GNB1L: variants seen among roughly 807,000 people sequenced by gnomAD.
GNB1L encodes guanine nucleotide-binding protein subunit beta-like protein 1.
Under a neutral mutation model 29.1 loss-of-function variants are expected in GNB1L, and 20 were observed. The ratio of observed to expected loss-of-function variants is 0.69; its 90% CI spans 0.48 to 1.00. The LOEUF (loss-of-function observed/expected upper bound fraction) is 1.00. Ranked by LOEUF, GNB1L falls within the 50% of genes least tolerant of loss-of-function variation. The probability of loss-of-function intolerance (pLI) is 0.00; values close to 1 mark genes in which losing one functional copy is unlikely to be tolerated. For missense variants in GNB1L, 421 were observed against 464.9 expected (o/e 0.91, Z 0.87); for synonymous variants, 193 against 206.5 (o/e 0.93, Z 0.56).
At chr22:19,833,827 C>T (rs368880068) in intron 2 of GNB1L, among the ~76,000 whole-genome samples, 2 of 151,686 alleles carry the variant, frequency 1.3e-5, no homozygotes, top group Admixed American at 6.6e-5. Context: ...TATCATACCA[C>T]GGCACTCCAG....
intron 7 of GNB1L, among the ~76,000 whole-genome samples, chr22:19,797,557 G>T (rs910793246): frequency 3.9e-5 from 6 of 152,312 alleles, no homozygotes; most frequent in Admixed American, 3.3e-4. Flanking sequence ...CAGGAGGGGT[G>T]GGAGGAGCCT....
rs781497461 is a variant in GNB1L, at chr22:19,820,649, C to T, written c.203G>A (p.Gly68Asp). 8 of 1,613,424 alleles carry T rather than the reference C, an allele frequency of 5.0e-6. No homozygotes were observed. The highest frequency in any genetic ancestry group is 1.1e-5 in the South Asian group (1 of 91,062). ...RAVTTLDGHGGQCVTWLQTLP... is the reference protein window; with the variant it reads ...RAVTTLDGHGDQCVTWLQTLP... ...CGTCTGCAGCCAGGTCACACACTGG[C>T]CGCCGTGGCCATCCAGGGTGGTAAC... Residue 68 changes from glycine to aspartate, a missense_variant, in exon 4 of 8, where the codon GGC becomes GAC. Coordinates refer to ENST00000329517, the MANE Select transcript of GNB1L (RefSeq NM_053004.3).
At position 19,815,547 on chromosome 22, in the gene GNB1L, C is replaced by A. The variant is rs902228228; in HGVS notation, c.255-3100G>T. Among the ~76,000 whole-genome samples, 6 of 152,246 alleles carry A rather than the reference C, an allele frequency of 3.9e-5. No individual in the cohort carries two copies. The East Asian group carries it at 5.8e-4, about 15-fold the overall frequency. On this transcript the variant is annotated intron_variant, in intron 4 of 7. Coordinates refer to ENST00000329517, the MANE Select transcript of GNB1L (RefSeq NM_053004.3). The stretch of plus-strand genomic sequence containing the variant: ...ATGGAGGGCACCCATGTAAGCCCTG[C>A]GGGGAGTGGAGGACTGACTTGTTTT...
chr22:19,851,980 C>T (rs1485386169), intron 2 of GNB1L: 1 of 1,614,160 alleles, frequency 6.2e-7, no homozygotes, highest in Middle Eastern at 1.6e-4. Flanking sequence ...AGCAGAAGTC[C>T]ACCCTGTGGG....
At chr22:19,846,864 T>C (rs1037267622) in intron 2 of GNB1L, 1 of 920,482 alleles carries the variant, frequency 1.1e-6, no homozygotes, top group African/African-American at 1.8e-5. Context: ...GAAATGTCTG[T>C]TGTTTAAGTC....
intron 2 of GNB1L, among the ~76,000 whole-genome samples, chr22:19,839,890 T>C (rs1364228615): frequency 6.9e-6 from 1 of 145,038 alleles, no homozygotes; most frequent in Admixed American, 6.9e-5. Flanking sequence ...ATAATAATAA[T>C]AACAATAATA....
rs1394063179 is a variant in GNB1L, at chr22:19,787,292, C to G, written c.*1417G>C. The stretch of plus-strand genomic sequence containing the variant: ...CCATGTCCACTTCACTCAGTGCAGC[C>G]ACCCTCAGGCTGTAATCCAGCCCCC... On this transcript the variant is annotated 3_prime_UTR_variant, in exon 8 of 8. Coordinates refer to ENST00000329517, the MANE Select transcript of GNB1L (RefSeq NM_053004.3). 1 of 152,476 alleles carries G rather than the reference C, an allele frequency of 6.6e-6. No homozygotes were observed. The highest frequency in any genetic ancestry group is 1.5e-5 in the Non-Finnish European group (1 of 68,270). The allele number at this position is 152,476 out of a possible 1,614,324, so 9.4% of individuals were successfully genotyped here.
chr22:19,819,268 A>G (rs1159877930), intron 4 of GNB1L, among the ~76,000 whole-genome samples: 1 of 152,230 alleles, frequency 6.6e-6, no homozygotes, highest in African/African-American at 2.4e-5. Context: ...CAGCGTGTGA[A>G]GCAGGGCCCT....
At chr22:19,834,849 A>T (rs1937737233) in intron 2 of GNB1L, among the ~76,000 whole-genome samples, 1 of 152,210 alleles carries the variant, frequency 6.6e-6, no homozygotes, top group African/African-American at 2.4e-5. Context: ...AAATATAACC[A>T]TACCAATCAC....
At chr22:19,815,204 T>G (rs1937519768) in intron 4 of GNB1L, among the ~76,000 whole-genome samples, 2 of 152,216 alleles carry the variant, frequency 1.3e-5, no homozygotes, top group East Asian at 3.9e-4. Context: ...TCATGCACCA[T>G]GCTCTGCCAG....
chr22:19,812,760 T>C (rs573699229), intron 4 of GNB1L, among the ~76,000 whole-genome samples: 60 of 152,282 alleles, frequency 3.9e-4, no homozygotes, highest in African/African-American at 6.0e-4. Context: ...AACTTCACTG[T>C]GTGCACCCTA....
At chr22:19,808,328 G>T (rs557189939) in intron 5 of GNB1L, among the ~76,000 whole-genome samples, 2 of 152,206 alleles carry the variant, frequency 1.3e-5, no homozygotes, top group Non-Finnish European at 2.9e-5. Context: ...ACCATCTGAC[G>T]AAAGGGGCCC....
At chr22:19,790,257 G>A (rs529715539) in intron 7 of GNB1L, among the ~76,000 whole-genome samples, 1 of 152,202 alleles carries the variant, frequency 6.6e-6, no homozygotes, top group South Asian at 2.1e-4. Flanking sequence ...TGGGGATTAC[G>A]GCTATGGAAC....
At chr22:19,802,371 G>A (rs373727341) in intron 6 of GNB1L, among the ~76,000 whole-genome samples, 155 bp from the exon 7 acceptor site, 11 of 152,252 alleles carry the variant, frequency 7.2e-5, no homozygotes, top group South Asian at 2.1e-4. Context: ...GCTCTGCACC[G>A]CCAGTGCCCT....
intron 7 of GNB1L, among the ~76,000 whole-genome samples, chr22:19,795,685 C>T (rs1249193892): frequency 6.6e-6 from 1 of 152,208 alleles, no homozygotes; most frequent in African/African-American, 2.4e-5. Context: ...ATATTCTGAA[C>T]TGAATTAAAA....
At chr22:19,850,420 C>A (rs1938066752) in intron 2 of GNB1L, 1 of 992,312 alleles carries the variant, frequency 1.0e-6, no homozygotes, top group South Asian at 4.7e-5. Flanking sequence ...GATGGCAGCA[C>A]AGCAGCAGGG....
intron 7 of GNB1L, among the ~76,000 whole-genome samples, chr22:19,799,612 C>T (rs539064821): frequency 2.0e-5 from 3 of 152,336 alleles, no homozygotes; most frequent in South Asian, 2.1e-4. Flanking sequence ...TCCCAGCACC[C>T]GCCGGGGGGA....
intron 2 of GNB1L, chr22:19,849,661 C>T: frequency 1.0e-6 from 1 of 984,486 alleles, no homozygotes; most frequent in Non-Finnish European, 1.2e-6. Flanking sequence ...GACACTGCTC[C>T]CGGCCAGTTT....
chr22:19,804,035 G>A (rs574383500), intron 6 of GNB1L, among the ~76,000 whole-genome samples: 8 of 152,386 alleles, frequency 5.2e-5, no homozygotes, highest in Admixed American at 3.3e-4. Flanking sequence ...CCCGCCTGTC[G>A]TGGTGCCACA....
Sources: gnomAD v4.1 joint callset for allele counts (sites outside exome capture counted in the v4.1 genomes callset) on GRCh38, gnomAD v4.1.1 for gene constraint, MANE v1.5 for transcripts, NCBI Gene and HGNC (gene_info 2026-07-23, HGNC 2026-07-21) for gene names.